Variants in KRTCAP3 observed in about 807,000 individuals in gnomAD.
KRTCAP3 encodes the protein keratinocyte associated protein 3, also known as keratinocyte-associated protein 3.
KRTCAP3 carries 18 observed loss-of-function variants against 20.5 expected under a neutral mutation model. The ratio of observed to expected loss-of-function variants is 0.88; its 90% confidence interval spans 0.61 to 1.31. KRTCAP3 has a LOEUF of 1.31. KRTCAP3 is among the 50% of genes most tolerant of loss of function. The pLI is 0.00. For missense variants in KRTCAP3, 347 were observed against 310.4 expected, an observed-to-expected ratio of 1.12 and a Z score of -0.89; for synonymous variants, 167 against 133.7, an observed-to-expected ratio of 1.25 and a Z score of -1.72.
chr2:27,445,496 G>A (rs199953549), downstream of KRTCAP3: 9 of 1,575,400 alleles, frequency 5.7e-6, no homozygotes, highest in Non-Finnish European at 7.8e-6. The surrounding 1 kb of genome is among the most constrained non-coding windows in gnomAD (Gnocchi z 4.4). Flanking sequence ...GGGCAGGGCA[G>A]GACAAGTTGG....
At chr2:27,445,373 C>T (rs749884570), downstream of KRTCAP3, 5 of 1,612,852 alleles carry the variant, frequency 3.1e-6, no homozygotes, top group African/African-American at 4.0e-5. This position sits in a 1 kb window ranked among gnomAD's most constrained non-coding sequence, Gnocchi z 4.4. Context: ...ACGCTCATCC[C>T]GAGGCAGAAC....
intron 5 of KRTCAP3, 94 bp downstream of exon 5, chr2:27,443,626 C>T (rs1487499470): frequency 7.2e-7 from 1 of 1,392,654 alleles, no homozygotes; most frequent in Non-Finnish European, 1.0e-6. Flanking sequence ...CACCTGTAAT[C>T]CCAGCACTTT....
downstream of KRTCAP3, chr2:27,446,469 T>A: frequency 1.1e-6 from 1 of 872,612 alleles, no homozygotes; most frequent in Non-Finnish European, 1.8e-6. Context: ...ATTAAACTGC[T>A]CTGGATTCTC....
downstream of KRTCAP3, chr2:27,446,002 G>GAGTT (rs982399754): frequency 6.2e-7 from 1 of 1,614,230 alleles, no homozygotes; most frequent in African/African-American, 1.3e-5. Flanking sequence ...CAGCAAAGAA[G>GAGTT]AGTTGCAAAT....
At chr2:27,445,712 A>G (rs780924296), downstream of KRTCAP3, 8 of 1,609,410 alleles carry the variant, frequency 5.0e-6, no homozygotes, top group Middle Eastern at 1.7e-4. The surrounding 1 kb of genome is among the most constrained non-coding windows in gnomAD (Gnocchi z 4.4). Context: ...CACACTGGTG[A>G]GGCCTTCCGG....
chr2:27,445,333 C>T (rs1435865869), downstream of KRTCAP3: 10 of 1,613,048 alleles, frequency 6.2e-6, no homozygotes, highest in East Asian at 2.2e-5. This position sits in a 1 kb window ranked among gnomAD's most constrained non-coding sequence, Gnocchi z 4.4. Context: ...CACCAGTGCT[C>T]GCTGCCACTA....
chr2:27,446,005 T>A (rs753517897), downstream of KRTCAP3: 24 of 1,613,842 alleles, frequency 1.5e-5, no homozygotes, highest in Non-Finnish European at 1.9e-5. Flanking sequence ...CAAAGAAGAG[T>A]TGCAAATGGG....
At chr2:27,444,621 TC>T, downstream of KRTCAP3, 1 of 857,110 alleles carries the variant, frequency 1.2e-6, no homozygotes, top group Non-Finnish European at 1.9e-6. Context: ...CTTCCTGTAA[TC>T]CCACCCATCT....
rs1664750443 is a variant in KRTCAP3 at position 27,443,537 on chromosome 2, G to A, written c.615+5G>A. 6.2e-7 allele frequency: 1 copy of A among 1,613,832 alleles called. No individual in the cohort carries two copies. ...AAGGACGGACTTCAGGGGCAGGTAA[G>A]GAAGGCAAACAGGAAGGGTTCATTC... On this transcript the variant is annotated splice_donor_5th_base_variant and intron_variant, in intron 5 of 6. Coordinates refer to ENST00000288873, the MANE Select transcript of KRTCAP3 (RefSeq NM_173853.4).
rs1250375280 is a variant in KRTCAP3 at position 27,443,199 on chromosome 2, C to T, written c.399C>T (p.His133=). 6.2e-7 allele frequency: 1 copy of T among 1,614,172 alleles called. No homozygotes were observed. Among genetic ancestry groups the T allele is most frequent in the Admixed American group, 1.7e-5 (1 of 60,024 alleles). ...GCCGCCGCCTTATTGCTGACTGCCA[C>T]CCAGGACTGCTGGATCCTCTGGTAC... The part of the protein sequence containing the change: ...NGGRRLIADC[H]PGLLDPLVPL... The change falls in exon 4 of 7, where the codon CAC becomes CAT. Residue 133 remains histidine, a synonymous_variant. Transcript: ENST00000288873.
rs575937995 is a variant in KRTCAP3 at position 27,442,740 on chromosome 2, ATC to A, written c.194_195del (p.Ser65CysfsTer66). 1,436 of 1,607,290 alleles carry A rather than the reference ATC, an allele frequency of 8.9e-4. 2 individuals are homozygous for A. Among genetic ancestry groups the A allele is most frequent in the Non-Finnish European group, 1.1e-3 (1,345 of 1,176,626 alleles). On this transcript the variant is annotated frameshift_variant, in exon 2 of 7. Transcript: ENST00000288873. LOFTEE classifies it high-confidence loss of function. ...VTPEYTVANV[I>X]SVGSGLLSVS... ...GCCGGAGTACACCGTAGCCAATGTC[ATC>A]TCTGTCGGCTCGGGGCTGCTGGTGA...
downstream of KRTCAP3, chr2:27,446,048 T>G: frequency 6.3e-7 from 1 of 1,596,834 alleles, no homozygotes; most frequent in East Asian, 2.2e-5. Flanking sequence ...GCTACTTCTC[T>G]GGGATCCAGA....
At chr2:27,444,136 T>TA in intron 6 of KRTCAP3, 50 bp from the exon 7 acceptor site, 1 of 882,338 alleles carries the variant, frequency 1.1e-6, no homozygotes, top group Non-Finnish European at 1.9e-6. Context: ...GTCTAGGTCT[T>TA]GCCATGCTGC....
downstream of KRTCAP3, chr2:27,445,162 A>G: frequency 6.2e-7 from 1 of 1,607,528 alleles, no homozygotes; most frequent in Admixed American, 1.7e-5. The surrounding 1 kb of genome is among the most constrained non-coding windows in gnomAD (Gnocchi z 4.4). Context: ...GGAGGGAAAA[A>G]TGAGGAGCAG....
intron 5 of KRTCAP3, among the ~76,000 whole-genome samples, 200 bp from the exon 6 acceptor site, chr2:27,443,749 G>A (rs1337895711): frequency 3.3e-5 from 5 of 151,972 alleles, no homozygotes; most frequent in Non-Finnish European, 5.9e-5. Flanking sequence ...GGTGGTGGGC[G>A]CCTGTAATCC....
At chr2:27,445,319 C>T (rs773691500), downstream of KRTCAP3, 26 of 1,612,880 alleles carry the variant, frequency 1.6e-5, no homozygotes, top group South Asian at 8.8e-5. This position sits in a 1 kb window ranked among gnomAD's most constrained non-coding sequence, Gnocchi z 4.4. Context: ...GGGCAGGGCT[C>T]GAACACCAGT....
chr2:27,443,758 C>T (rs996728972), intron 5 of KRTCAP3, among the ~76,000 whole-genome samples, 191 bp from the exon 6 acceptor site: 3 of 151,940 alleles, frequency 2.0e-5, no homozygotes, highest in African/African-American at 7.3e-5. Flanking sequence ...CGCCTGTAAT[C>T]CCAGCTACTT....
chr2:27,444,587 G>T, downstream of KRTCAP3: 2 of 1,260,384 alleles, frequency 1.6e-6, no homozygotes, highest in Admixed American at 3.7e-5. Flanking sequence ...CAGCTCCATC[G>T]CAGGCTTCAG....
In KRTCAP3 at chr2:27,444,150, C is replaced by T. The variant is rs946602184; in HGVS notation, c.*6-36C>T. The T allele has an allele frequency of 2.5e-5, 20 of 810,098 alleles. No homozygotes were observed. The African/African-American group carries it at 3.1e-4, about 12-fold the overall frequency. The allele number at this position is 810,098 out of a possible 1,614,324, so 50.2% of individuals were successfully genotyped here. ...GGTCTAGGTCTTGCCATGCTGCTTT[C>T]CCCTCTGACCTGGGTTGGTTCTCCC... On this transcript the variant is annotated intron_variant, in intron 6 of 6. Coordinates refer to ENST00000288873, the MANE Select transcript of KRTCAP3 (RefSeq NM_173853.4).
Sources: gnomAD v4.1 joint callset for allele counts (sites outside exome capture counted in the v4.1 genomes callset) on GRCh38, gnomAD v4.1.1 for gene constraint, Gnocchi (gnomAD v3.1) non-coding constraint, MANE v1.5 for transcripts, NCBI Gene and HGNC (gene_info 2026-07-23, HGNC 2026-07-21) for gene names.